UCHL5: variants seen among roughly 807,000 people sequenced by gnomAD.
UCHL5 encodes the protein ubiquitin carboxyl-terminal hydrolase isozyme L5.
Under a neutral mutation model 53.8 loss-of-function variants are expected in UCHL5, and 34 were observed. That is an observed-to-expected ratio of 0.63 (90% CI 0.48 to 0.84). The LOEUF (loss-of-function observed/expected upper bound fraction) is 0.84, where lower values mean the gene tolerates loss of function less well. Among genes scored for constraint, UCHL5 ranks in the 40% least tolerant of loss-of-function variants. UCHL5 has a pLI of 0.00. For missense variants in UCHL5, 290 were observed against 385.6 expected (o/e 0.75, Z 2.08); for synonymous variants, 111 against 126.3 (o/e 0.88, Z 0.81).
chr1:193,036,531 T>A (rs1425515886), intron 3 of UCHL5, among the ~76,000 whole-genome samples: 1 of 151,968 alleles, frequency 6.6e-6, no homozygotes, highest in Admixed American at 6.6e-5. Context: ...TTTATAGATC[T>A]AAAGCAAATA....
At chr1:193,016,879 T>C (rs921417360) in intron 10 of UCHL5, among the ~76,000 whole-genome samples, 1 of 151,776 alleles carries the variant, frequency 6.6e-6, no homozygotes. Flanking sequence ...TTTATTTATA[T>C]GACCTAAAAA....
intron 9 of UCHL5, 145 bp downstream of exon 9, chr1:193,022,776 ACTTAT>A (rs1327679049): frequency 1.2e-5 from 5 of 412,602 alleles, no homozygotes; most frequent in Non-Finnish European, 2.0e-5. Flanking sequence ...ACATCTCACT[ACTTAT>A]CTTTGTAGTG....
At chr1:193,046,842 A>C (rs1235208856) in intron 3 of UCHL5, among the ~76,000 whole-genome samples, 5 of 151,500 alleles carry the variant, frequency 3.3e-5, no homozygotes, top group Admixed American at 3.3e-4. Flanking sequence ...ACTAAGTAAA[A>C]AAAAACAAAA....
intron 10 of UCHL5, among the ~76,000 whole-genome samples, chr1:193,017,147 G>A (rs1427960601): frequency 6.6e-6 from 1 of 151,690 alleles, no homozygotes; most frequent in African/African-American, 2.4e-5. Context: ...AAATGCCTGA[G>A]GTTCTGTATT....
intron 3 of UCHL5, among the ~76,000 whole-genome samples, chr1:193,041,672 A>G (rs752426928): frequency 2.2e-4 from 34 of 152,352 alleles, no homozygotes; most frequent in Non-Finnish European, 4.6e-4. Context: ...TGTTTACAGC[A>G]ACACAATTCA....
intron 3 of UCHL5, among the ~76,000 whole-genome samples, chr1:193,030,164 A>T (rs1401412836): frequency 3.3e-5 from 5 of 152,206 alleles, no homozygotes; most frequent in South Asian, 2.1e-4. Context: ...TCACTCAATC[A>T]TCTACAGTCT....
At chr1:193,047,784 C>T (rs1257961534) in intron 3 of UCHL5, among the ~76,000 whole-genome samples, 13 of 152,034 alleles carry the variant, frequency 8.6e-5, no homozygotes, top group Non-Finnish European at 4.4e-5. Context: ...TTGCCTTTTC[C>T]TCTTCTTTTC....
chr1:193,046,656 T>C (rs1343502656), intron 3 of UCHL5, among the ~76,000 whole-genome samples: 2 of 147,596 alleles, frequency 1.4e-5, no homozygotes, highest in African/African-American at 4.9e-5. Flanking sequence ...AATATAATAA[T>C]TTATATATTT....
At chr1:193,048,683 C>G (rs537231949) in intron 3 of UCHL5, among the ~76,000 whole-genome samples, 2 of 152,098 alleles carry the variant, frequency 1.3e-5, no homozygotes, top group Non-Finnish European at 2.9e-5. Flanking sequence ...CAAAACAAAA[C>G]GAAAACATTG....
At chr1:193,024,134 G>C (rs1351183713) in intron 7 of UCHL5, among the ~76,000 whole-genome samples, 188 bp from the exon 8 acceptor site, 1 of 151,926 alleles carries the variant, frequency 6.6e-6, no homozygotes, top group Non-Finnish European at 1.5e-5. Context: ...CAGCTACTTG[G>C]GAGGCTCAGG....
chr1:193,040,000 A>G (rs1043615823), intron 3 of UCHL5, among the ~76,000 whole-genome samples: 2 of 152,182 alleles, frequency 1.3e-5, no homozygotes, highest in Non-Finnish European at 2.9e-5. Context: ...TCAAATCAAA[A>G]TGGATTAAAG....
chr1:193,036,874 T>TA (rs2102594460), intron 3 of UCHL5, among the ~76,000 whole-genome samples: 1 of 151,260 alleles, frequency 6.6e-6, no homozygotes, highest in East Asian at 1.9e-4. Flanking sequence ...CACAAACACA[T>TA]AGAGATTAAA....
chr1:193,031,828 G>A (rs536997934), intron 3 of UCHL5, among the ~76,000 whole-genome samples: 2 of 152,182 alleles, frequency 1.3e-5, no homozygotes, highest in South Asian at 2.1e-4. Context: ...TGTAACTCAC[G>A]TCACAAAAAA....
In UCHL5 at chr1:193,015,323, A is replaced by G. The variant is rs1446051081; in HGVS notation, c.*1028T>C. On this transcript the variant is annotated 3_prime_UTR_variant, in exon 11 of 11. Transcript: ENST00000367454. Reference sequence around the variant, plus strand: ...AACCTCAGAAATATTCTTGATAAAGAAAAAAGTAGGTTACTTCCTTTAAAA... The same window carrying G: ...AACCTCAGAAATATTCTTGATAAAGGAAAAAGTAGGTTACTTCCTTTAAAA... 2 of 152,080 alleles carry G rather than the reference A, an allele frequency of 1.3e-5. No homozygotes were observed. The highest frequency in any genetic ancestry group is 3.8e-4 in the East Asian group (2 of 5,206). The allele number at this position is 152,080 out of a possible 1,614,324, so 9.4% of individuals were successfully genotyped here. A position where few individuals can be genotyped will look rare whatever the true frequency, so the allele number is the denominator to read the frequency against.
Position 193,014,752 on chromosome 1 carries a change from T to C in UCHL5, c.*1599A>G, listed in dbSNP as rs1654648874. ...CACCTTTGTCGAAATCAAGTGATCA[T>C]ATAAACGTTGATCTGTTTTCAGGCT... is the stretch of plus-strand genomic sequence containing the variant. On this transcript the variant is annotated 3_prime_UTR_variant, in exon 11 of 11. Transcript: ENST00000367454. 1 of 152,162 alleles carries C rather than the reference T, an allele frequency of 6.6e-6. No individual in the cohort carries two copies. The allele number at this position is 152,162 out of a possible 1,614,324, so 9.4% of individuals were successfully genotyped here.
chr1:193,057,745 C>T (rs982305507), intron 1 of UCHL5, among the ~76,000 whole-genome samples: 2 of 152,244 alleles, frequency 1.3e-5, no homozygotes, highest in African/African-American at 4.8e-5. Flanking sequence ...GTTCTAGTCA[C>T]TTTGCTAGCT....
rs116024451 is a variant in UCHL5 at position 193,041,739 on chromosome 1, G to A, written c.246+8007C>T. ...ACTACAGAAGATTAAGTAAACTGTAGCATGTTAGTGCAGCTGGTATCATAT... is the reference window on the plus strand; with the variant it reads ...ACTACAGAAGATTAAGTAAACTGTAACATGTTAGTGCAGCTGGTATCATAT... On this transcript the variant is annotated intron_variant, in intron 3 of 10. Transcript: ENST00000367454. 4.6e-3 allele frequency among the ~76,000 whole-genome samples: 695 copies of A among 152,264 alleles called. 2 individuals are homozygous for A. The highest frequency in any genetic ancestry group is 7.1e-3 in the Non-Finnish European group (485 of 68,020).
chr1:193,032,257 C>T (rs1396852851), intron 3 of UCHL5, among the ~76,000 whole-genome samples: 1 of 151,714 alleles, frequency 6.6e-6, no homozygotes, highest in Non-Finnish European at 1.5e-5. Flanking sequence ...TATAGTCAAT[C>T]AAAAAACAAG....
At position 193,031,213 on chromosome 1, in the gene UCHL5, G is replaced by A. The variant is rs149215772; in HGVS notation, c.247-1556C>T. Among the ~76,000 whole-genome samples, 476 of 152,220 alleles carry A rather than the reference G, an allele frequency of 3.1e-3. 1 individual carries two copies. Among genetic ancestry groups the A allele is most frequent in the Middle Eastern group, 6.8e-3 (2 of 294 alleles). ...TTATCTTAGGTCTAAATTACCTAAG[G>A]TGAAATTATCTGAGGATAGCACAGT... is the stretch of plus-strand genomic sequence containing the variant. On this transcript the variant is annotated intron_variant, in intron 3 of 10. Transcript: ENST00000367454.
Sources: gnomAD v4.1 joint callset for allele counts (sites outside exome capture counted in the v4.1 genomes callset) on GRCh38, gnomAD v4.1.1 for gene constraint, MANE v1.5 for transcripts, NCBI Gene and HGNC (gene_info 2026-07-23, HGNC 2026-07-21) for gene names.